The following SYT14 variants were observed in gnomAD, a reference collection of about 807,000 sequenced individuals.
SYT14 encodes synaptotagmin-14.
SYT14 carries 32 observed loss-of-function variants against 74.2 expected under a neutral mutation model. The observed-to-expected ratio is 0.43, with a 90% CI of 0.33 to 0.58. SYT14 has a LOEUF of 0.58. Ranked by LOEUF, SYT14 falls within the 20% of genes least tolerant of loss-of-function variation. The pLI is 0.05. For synonymous variants in SYT14, 298 were observed against 337.7 expected (o/e 0.88, Z 1.29); for missense variants, 791 against 981.8 (o/e 0.81, Z 2.60).
At chr1:210,056,691 T>A (rs925833456) in intron 5 of SYT14, among the ~76,000 whole-genome samples, 3 of 135,206 alleles carry the variant, frequency 2.2e-5, no homozygotes, top group Non-Finnish European at 4.7e-5. Flanking sequence ...CCGGGTGTGG[T>A]GGCATGTGCC....
In SYT14 at chr1:210,143,411, C is replaced by T. The variant is rs901810771; in HGVS notation, c.2035-12310C>T. On this transcript the variant is annotated intron_variant, in intron 7 of 9. Transcript: ENST00000637265. ...GCAGCACTGTAAACAATAGCAATTA[C>T]AATAGTTACTTGGAATTGGATATCT... Among the ~76,000 whole-genome samples, 7 of 152,192 alleles carry T rather than the reference C, an allele frequency of 4.6e-5. No homozygotes were observed. In the East Asian group the frequency reaches 9.6e-4, roughly 21 times the overall value.
chr1:210,010,616 T>C (rs2080069436), intron 2 of SYT14, among the ~76,000 whole-genome samples: 1 of 152,224 alleles, frequency 6.6e-6, no homozygotes, highest in South Asian at 2.1e-4. Context: ...ATCTCTATTA[T>C]AGTATTTACT....
intron 5 of SYT14, among the ~76,000 whole-genome samples, chr1:210,022,280 C>T (rs576615747): frequency 6.6e-6 from 1 of 152,260 alleles, no homozygotes; most frequent in African/African-American, 2.4e-5. Flanking sequence ...CACCTCAATT[C>T]TTATGTCTGC....
chr1:210,031,437 G>C (rs1236965646), intron 5 of SYT14, among the ~76,000 whole-genome samples: 1 of 152,090 alleles, frequency 6.6e-6, no homozygotes, highest in African/African-American at 2.4e-5. Flanking sequence ...CATAGGATGA[G>C]TTAGGAAATA....
At chr1:210,026,605 TACAC>T (rs368072216) in intron 5 of SYT14, among the ~76,000 whole-genome samples, 6,668 of 138,272 alleles carry the variant, frequency 0.048, 353 homozygotes, top group African/African-American at 0.13. Flanking sequence ...GTATATAGCT[TACAC>T]ACACACACAC....
At chr1:210,163,960 T>C (rs1027056562) in exon 10 of SYT14, 2 of 452,006 alleles carry the variant, frequency 4.4e-6, no homozygotes, top group African/African-American at 4.0e-5. Context: ...TCCCCTAAGT[T>C]TTCTAATAAA....
intron 6 of SYT14, among the ~76,000 whole-genome samples, chr1:210,099,806 C>T (rs1054352905): frequency 1.3e-5 from 2 of 152,124 alleles, no homozygotes; most frequent in African/African-American, 2.4e-5. Context: ...TCTTTATTAT[C>T]ATAAGTTTTG....
intron 2 of SYT14, among the ~76,000 whole-genome samples, chr1:210,009,128 T>C (rs2080041110): frequency 6.6e-6 from 1 of 152,238 alleles, no homozygotes; most frequent in East Asian, 1.9e-4. Context: ...AGGCCATGAG[T>C]TGGACAAGCA....
intron 5 of SYT14, among the ~76,000 whole-genome samples, chr1:210,036,716 T>C (rs1022819555): frequency 6.6e-6 from 1 of 152,240 alleles, no homozygotes; most frequent in East Asian, 1.9e-4. Flanking sequence ...TAATTCTGTT[T>C]ATGTGGTGAA....
Position 210,155,656 on chromosome 1 carries a change from TAAC to T in SYT14, c.2035-62_2035-60del, listed in dbSNP as rs2083253205. 6.5e-6 allele frequency: 10 copies of T among 1,544,160 alleles called. No individual in the cohort carries two copies. The Admixed American group carries it at 1.7e-4, about 26-fold the overall frequency. On this transcript the variant is annotated intron_variant, in intron 7 of 9. Transcript: ENST00000637265. ...CTACCTAATCCAAATAAACATGGCATAACAATATATCTCTTAATATATCTCTCT... is the reference window on the plus strand; with the variant it reads ...CTACCTAATCCAAATAAACATGGCATAATATATCTCTTAATATATCTCTCT...
intron 5 of SYT14, among the ~76,000 whole-genome samples, chr1:210,053,389 T>C (rs886545191): frequency 3.9e-5 from 6 of 152,206 alleles, no homozygotes; most frequent in African/African-American, 1.4e-4. Context: ...TTGGTATAGA[T>C]CATTTAGGGT....
At chr1:210,073,128 AC>A (rs2081425858) in intron 5 of SYT14, among the ~76,000 whole-genome samples, 1 of 151,926 alleles carries the variant, frequency 6.6e-6, no homozygotes, top group South Asian at 2.1e-4. Flanking sequence ...ACATTATACA[AC>A]CTTTTCCCCC....
chr1:210,008,320 A>C (rs1339171541), intron 2 of SYT14, among the ~76,000 whole-genome samples: 4 of 152,140 alleles, frequency 2.6e-5, no homozygotes, highest in African/African-American at 4.8e-5. Flanking sequence ...TAATTCTTCA[A>C]ATGTGTAATA....
intron 5 of SYT14, among the ~76,000 whole-genome samples, chr1:210,081,982 G>A (rs2081625361): frequency 1.3e-5 from 2 of 152,080 alleles, no homozygotes; most frequent in South Asian, 2.1e-4. Flanking sequence ...GAAATTCCTC[G>A]ATGCTATTTG....
intron 7 of SYT14, among the ~76,000 whole-genome samples, chr1:210,129,182 A>G (rs1463440648): frequency 6.6e-6 from 1 of 152,250 alleles, no homozygotes; most frequent in Non-Finnish European, 1.5e-5. Flanking sequence ...GTCAGTTTCA[A>G]GTGAATGCAC....
intron 5 of SYT14, among the ~76,000 whole-genome samples, chr1:210,024,211 C>T (rs1314927534): frequency 1.3e-5 from 2 of 152,128 alleles, no homozygotes; most frequent in Admixed American, 6.5e-5. Context: ...AAGTTTTTTA[C>T]TAAGGAACCA....
Position 209,941,803 on chromosome 1 carries a change from G to A in SYT14, c.-534+3526G>A, listed in dbSNP as rs116497911. Among the ~76,000 whole-genome samples, 1,196 of 152,260 alleles carry A rather than the reference G, an allele frequency of 7.9e-3. 21 individuals are homozygous for A. The highest frequency in any genetic ancestry group is 0.027 in the African/African-American group (1,139 of 41,532). ...TGAATACAGTTGTCCCTTGGTAACCGTGGGGGAGATTGGTTCCAGGTCCCC... is the reference window on the plus strand; with the variant it reads ...TGAATACAGTTGTCCCTTGGTAACCATGGGGGAGATTGGTTCCAGGTCCCC... On this transcript the variant is annotated intron_variant, in intron 1 of 9. Coordinates refer to ENST00000637265, the Ensembl canonical transcript of SYT14.
At chr1:210,007,106 A>G (rs1235376917) in intron 2 of SYT14, among the ~76,000 whole-genome samples, 2 of 151,868 alleles carry the variant, frequency 1.3e-5, no homozygotes, top group Non-Finnish European at 2.9e-5. Context: ...TACCACTGTT[A>G]CTGAAGCTTA....
At chr1:210,031,299 G>GT (rs2080529313) in intron 5 of SYT14, among the ~76,000 whole-genome samples, 1 of 151,958 alleles carries the variant, frequency 6.6e-6, no homozygotes, top group South Asian at 2.1e-4. Context: ...GTTGGTTGTG[G>GT]TTTTTATTCA....
Sources: gnomAD v4.1 joint callset for allele counts (sites outside exome capture counted in the v4.1 genomes callset) on GRCh38, gnomAD v4.1.1 for gene constraint, MANE v1.5 for transcripts, NCBI Gene and HGNC (gene_info 2026-07-23, HGNC 2026-07-21) for gene names.